SUGCT: variants seen among roughly 807,000 people sequenced by gnomAD.
The protein encoded by SUGCT is succinyl-CoA:glutarate CoA-transferase.
Under a neutral mutation model 55.0 loss-of-function variants are expected in SUGCT, and 41 were observed. The ratio of observed to expected loss-of-function variants is 0.74; its 90% CI spans 0.58 to 0.97. The LOEUF is 0.97. SUGCT is among the 50% of genes least tolerant of loss of function. SUGCT has a pLI of 0.00. For synonymous variants in SUGCT, 187 were observed against 200.4 expected (o/e 0.93, Z 0.56); for missense variants, 568 against 547.8 (o/e 1.04, Z -0.37).
intron 13 of SUGCT, among the ~76,000 whole-genome samples, chr7:40,856,574 T>C (rs1794179985): frequency 6.6e-6 from 1 of 152,152 alleles, no homozygotes; most frequent in African/African-American, 2.4e-5. Context: ...ACAGAAAATT[T>C]AAGTTAAACC....
At chr7:40,424,878 T>C (rs1787505769) in intron 9 of SUGCT, among the ~76,000 whole-genome samples, 1 of 152,116 alleles carries the variant, frequency 6.6e-6, no homozygotes, top group African/African-American at 2.4e-5. Flanking sequence ...AATAAGATTA[T>C]GTATGTAAAT....
rs188309747 is a variant in SUGCT, at chr7:40,807,245, G to C, written c.1154-53071G>C. 3.2e-4 allele frequency among the ~76,000 whole-genome samples: 48 copies of C among 152,140 alleles called. No individual in the cohort carries two copies. In the Middle Eastern group the frequency reaches 0.014, roughly 43 times the overall value. ...TTTTTTATTTTTATTTTGAGTTCTGGGGTGCATGTGCAGGATGTACAGGTT... is the reference window on the plus strand; with the variant it reads ...TTTTTTATTTTTATTTTGAGTTCTGCGGTGCATGTGCAGGATGTACAGGTT... On this transcript the variant is annotated intron_variant, in intron 13 of 13. Coordinates refer to ENST00000335693, the MANE Select transcript of SUGCT (RefSeq NM_001193313.2).
intron 12 of SUGCT, among the ~76,000 whole-genome samples, chr7:40,639,271 T>G (rs1001329176): frequency 2.0e-5 from 3 of 152,186 alleles, no homozygotes; most frequent in African/African-American, 7.2e-5. Context: ...AATTTACCGC[T>G]ACATTCCCAG....
chr7:40,675,062 C>A (rs568244622), intron 12 of SUGCT, among the ~76,000 whole-genome samples: 7 of 135,400 alleles, frequency 5.2e-5, no homozygotes, highest in African/African-American at 1.9e-4. Context: ...TTTCTAAAAT[C>A]TTTTTTTTTT....
At chr7:40,898,763 A>G in the SUGCT span, among the ~76,000 whole-genome samples, 1 of 152,046 alleles carries the variant, frequency 6.6e-6, no homozygotes, top group Non-Finnish European at 1.5e-5. Flanking sequence ...GCGAGACCGA[A>G]AGCCTACCAA....
rs535938669 is a variant in SUGCT, at chr7:40,425,061, G to A, written c.817-24226G>A. 4.6e-5 allele frequency among the ~76,000 whole-genome samples: 7 copies of A among 152,240 alleles called. No homozygotes were observed. The East Asian group carries it at 1.2e-3, about 25-fold the overall frequency. On this transcript the variant is annotated intron_variant, in intron 9 of 13. Coordinates refer to ENST00000335693, the MANE Select transcript of SUGCT (RefSeq NM_001193313.2). ...AAAGTCAGTGTTCTCAGAAACTCAT[G>A]TAGTTGAACATTTCTCTCAGCCAAA...
At chr7:40,621,667 A>G (rs766653476) in intron 12 of SUGCT, among the ~76,000 whole-genome samples, 5 of 152,122 alleles carry the variant, frequency 3.3e-5, no homozygotes, top group Admixed American at 6.5e-5. Flanking sequence ...GCTTGAGGAG[A>G]AGGTAACAGG....
intron 13 of SUGCT, among the ~76,000 whole-genome samples, chr7:40,754,075 AGCCCATGAATTATCTCT>A: frequency 6.6e-6 from 1 of 152,232 alleles, no homozygotes; most frequent in East Asian, 1.9e-4. Flanking sequence ...AAACTAGTTA[AGCCCATGAATTATCTCT>A]AAGTGTGAGT....
At chr7:40,813,818 G>T (rs1791539586) in intron 13 of SUGCT, among the ~76,000 whole-genome samples, 1 of 151,956 alleles carries the variant, frequency 6.6e-6, no homozygotes, top group Admixed American at 6.6e-5. Flanking sequence ...AGGGTCTGTG[G>T]GCTATGTCCT....
intron 1 of SUGCT, among the ~76,000 whole-genome samples, chr7:40,143,779 G>A (rs1788106652): frequency 6.6e-6 from 1 of 152,134 alleles, no homozygotes. Context: ...CAGGCACTGG[G>A]GGATCAAATA....
intron 1 of SUGCT, among the ~76,000 whole-genome samples, chr7:40,165,816 A>G (rs1258253520): frequency 1.3e-5 from 2 of 152,124 alleles, no homozygotes; most frequent in African/African-American, 2.4e-5. Flanking sequence ...GATAATGATG[A>G]TAATCATAAC....
At chr7:40,708,907 A>G (rs1230717357) in intron 12 of SUGCT, among the ~76,000 whole-genome samples, 1 of 152,120 alleles carries the variant, frequency 6.6e-6, no homozygotes, top group East Asian at 1.9e-4. Context: ...TGTCATCAAG[A>G]TGGAAGTTCC....
intron 13 of SUGCT, among the ~76,000 whole-genome samples, chr7:40,859,508 G>A (rs1403319143): frequency 1.3e-5 from 2 of 152,172 alleles, no homozygotes; most frequent in African/African-American, 2.4e-5. Context: ...CTTTGTGCCC[G>A]GCACCCCTTT....
intron 12 of SUGCT, among the ~76,000 whole-genome samples, chr7:40,674,577 G>A (rs930181713): frequency 1.3e-5 from 2 of 152,138 alleles, no homozygotes; most frequent in African/African-American, 4.8e-5. Context: ...AAAAATTGTG[G>A]CCCCGGCATG....
chr7:40,383,258 G>T (rs1234790920), intron 9 of SUGCT, among the ~76,000 whole-genome samples: 1 of 152,118 alleles, frequency 6.6e-6, no homozygotes, highest in Non-Finnish European at 1.5e-5. Flanking sequence ...GTAATGGCCT[G>T]AGAGATTTGC....
chr7:40,286,818 G>T (rs986585415), intron 8 of SUGCT, among the ~76,000 whole-genome samples: 6 of 39,424 alleles, frequency 1.5e-4, no homozygotes, highest in Non-Finnish European at 2.9e-4. Flanking sequence ...TCAGTAACAG[G>T]CTGTTTTTTG....
Position 40,218,490 on chromosome 7 carries a change from G to A in SUGCT, c.485-19145G>A, listed in dbSNP as rs113123925. 7.4e-4 allele frequency among the ~76,000 whole-genome samples: 112 copies of A among 152,264 alleles called. No individual in the cohort carries two copies. The East Asian group carries it at 0.011, about 14-fold the overall frequency. ...GTGAAGCCAGCTGGGCTTCTGGGTC[G>A]GGTGAGGACTTGGAGAACTTTTCGG... On this transcript the variant is annotated intron_variant, in intron 6 of 13. Transcript: ENST00000335693.
At chr7:40,677,374 A>G (rs149227234) in intron 12 of SUGCT, among the ~76,000 whole-genome samples, 1 of 152,338 alleles carries the variant, frequency 6.6e-6, no homozygotes, top group African/African-American at 2.4e-5. Flanking sequence ...AGTGGTAGGA[A>G]GTTGCCAACA....
chr7:40,444,294 A>T (rs1216886977), intron 9 of SUGCT, among the ~76,000 whole-genome samples: 1 of 152,140 alleles, frequency 6.6e-6, no homozygotes, highest in East Asian at 1.9e-4. Flanking sequence ...ATGGCATTGA[A>T]TTTGTAAATT....
Sources: gnomAD v4.1 joint callset for allele counts (sites outside exome capture counted in the v4.1 genomes callset) on GRCh38, gnomAD v4.1.1 for gene constraint, MANE v1.5 for transcripts, NCBI Gene and HGNC (gene_info 2026-07-23, HGNC 2026-07-21) for gene names.